Variants in SSX2IP observed in about 807,000 individuals in gnomAD.
SSX2IP encodes the protein afadin- and alpha-actinin-binding protein.
A neutral mutation model predicts 84.9 loss-of-function variants in SSX2IP; 55 were observed. The ratio of observed to expected loss-of-function variants is 0.65; its 90% CI spans 0.52 to 0.81. The LOEUF is 0.81. Among genes scored for constraint, SSX2IP ranks in the 30% least tolerant of loss-of-function variants. The pLI is 0.00. For missense variants in SSX2IP, 664 were observed against 705.2 expected (o/e 0.94, Z 0.66); for synonymous variants, 239 against 234.7 (o/e 1.02, Z -0.17).
chr1:84,662,192 A>G lies in SSX2IP; in HGVS notation c.927+6T>C. ...AGACTGTATTAGAGAGGAAAGAGCC[A>G]CTTACAGTTCCTGTACTATCATCTA... On this transcript the variant is annotated splice_donor_region_variant and intron_variant, in intron 8 of 13. Coordinates refer to ENST00000342203, the MANE Select transcript of SSX2IP (RefSeq NM_001166293.2). The G allele has an allele frequency of 6.4e-7, 1 of 1,555,796 alleles. No homozygotes were observed. The highest frequency in any genetic ancestry group is 8.7e-7 in the Non-Finnish European group (1 of 1,153,612).
rs1465601807 is a variant in SSX2IP at position 84,655,892 on chromosome 1, T to C, written c.1329A>G (p.Lys443=). 5.6e-6 allele frequency: 9 copies of C among 1,614,042 alleles called. No homozygotes were observed. In the East Asian group the frequency reaches 1.8e-4, roughly 32 times the overall value. The change falls in exon 11 of 14, where the codon AAA becomes AAG. Residue 443 remains lysine, a synonymous_variant. Transcript: ENST00000342203. ...KEEWSLFKEQ[K]KNFERERRSF... ...TTCGTCTCTCCCTCTCAAAATTCTT[T>C]TTCTGCTCTTTAAAAAGGGACCATT...
At chr1:84,679,511 T>C (rs911936049) in intron 1 of SSX2IP, among the ~76,000 whole-genome samples, 2 of 152,282 alleles carry the variant, frequency 1.3e-5, no homozygotes, top group South Asian at 2.1e-4. Flanking sequence ...TTGTGGCCAA[T>C]AGAGGATTTA....
intron 8 of SSX2IP, 102 bp downstream of exon 8, chr1:84,662,096 T>A: frequency 2.7e-6 from 2 of 747,678 alleles, no homozygotes; most frequent in Non-Finnish European, 2.2e-6. Context: ...GAGTGTCCTA[T>A]TCAAAATACC....
chr1:84,687,276 GAAC>G (rs942662125), intron 1 of SSX2IP, among the ~76,000 whole-genome samples: 8 of 152,338 alleles, frequency 5.3e-5, no homozygotes, highest in Admixed American at 2.0e-4. Flanking sequence ...TAAAAGATGA[GAAC>G]AACTGGAGTT....
intron 1 of SSX2IP, among the ~76,000 whole-genome samples, chr1:84,688,544 A>G (rs1000103116): frequency 6.6e-6 from 1 of 152,228 alleles, no homozygotes; most frequent in African/African-American, 2.4e-5. Flanking sequence ...TCAAACGCCT[A>G]CTTTATAAAA....
Position 84,671,227 on chromosome 1 carries a change from T to C in SSX2IP, c.-8A>G. The stretch of plus-strand genomic sequence containing the variant: ...AGTCATCCAATCTCCCATAGCAATC[T>C]CTAGAGCCAGGATACCTGAGGAACT... On this transcript the variant is annotated 5_prime_UTR_variant, in exon 2 of 14. Transcript: ENST00000342203. 1 of 1,609,834 alleles carries C rather than the reference T, an allele frequency of 6.2e-7. No homozygotes were observed. The highest frequency in any genetic ancestry group is 8.5e-7 in the Non-Finnish European group (1 of 1,177,860).
intron 11 of SSX2IP, chr1:84,655,616 G>GTT: frequency 5.5e-6 from 8 of 1,458,796 alleles, no homozygotes; most frequent in Admixed American, 2.1e-5. Context: ...TGCTTATAGC[G>GTT]TTTTTTTTTC....
At chr1:84,652,373 A>G (rs1363710408) in intron 11 of SSX2IP, 1 of 155,874 alleles carries the variant, frequency 6.4e-6, no homozygotes, top group African/African-American at 2.6e-5. Flanking sequence ...AAGTGAGCCG[A>G]GATAGCACCA....
At chr1:84,660,185 C>G (rs182117009) in intron 8 of SSX2IP, among the ~76,000 whole-genome samples, 1 of 152,206 alleles carries the variant, frequency 6.6e-6, no homozygotes, top group Admixed American at 6.5e-5. Flanking sequence ...GAAAAGGGAG[C>G]TAGAAAAATG....
chr1:84,673,249 A>G (rs1016567557), intron 1 of SSX2IP, among the ~76,000 whole-genome samples: 1 of 152,210 alleles, frequency 6.6e-6, no homozygotes. Flanking sequence ...GGGAGCATCT[A>G]GATCAGTGAG....
intron 8 of SSX2IP, among the ~76,000 whole-genome samples, chr1:84,661,827 A>C (rs1286554013): frequency 6.6e-6 from 1 of 152,294 alleles, no homozygotes; most frequent in African/African-American, 2.4e-5. Flanking sequence ...TGGGCTACTA[A>C]ATATTATGCC....
intron 4 of SSX2IP, among the ~76,000 whole-genome samples, chr1:84,666,566 C>A (rs1182026729): frequency 6.6e-6 from 1 of 151,996 alleles, no homozygotes; most frequent in African/African-American, 2.4e-5. Context: ...ACTTCTATAC[C>A]ACACTTTTGA....
intron 1 of SSX2IP, among the ~76,000 whole-genome samples, chr1:84,685,678 C>T (rs1655683565): frequency 6.6e-6 from 1 of 152,220 alleles, no homozygotes; most frequent in African/African-American, 2.4e-5. Context: ...TGACATTCAA[C>T]AAATATGCTG....
intron 12 of SSX2IP, among the ~76,000 whole-genome samples, chr1:84,651,482 C>A (rs956446501): frequency 6.6e-6 from 1 of 152,236 alleles, no homozygotes; most frequent in South Asian, 2.1e-4. Context: ...AATCCCAGCA[C>A]TTTGGGAGGC....
chr1:84,673,592 T>C (rs903571021), intron 1 of SSX2IP, among the ~76,000 whole-genome samples: 4 of 152,154 alleles, frequency 2.6e-5, no homozygotes, highest in Middle Eastern at 6.3e-3. Context: ...AGGTAGGCAA[T>C]TGTAGAAGCT....
chr1:84,660,895 CAA>C (rs11362631), intron 8 of SSX2IP, among the ~76,000 whole-genome samples: 64 of 98,030 alleles, frequency 6.5e-4, no homozygotes, highest in African/African-American at 1.7e-3. Flanking sequence ...TACTAAAATA[CAA>C]AAAAAAAAAA....
intron 13 of SSX2IP, 134 bp downstream of exon 13, chr1:84,650,228 T>C (rs1650021774): frequency 2.4e-6 from 2 of 836,534 alleles, no homozygotes; most frequent in Non-Finnish European, 2.0e-6. Flanking sequence ...ATTTGTAGAA[T>C]GAATAAATCA....
intron 1 of SSX2IP, among the ~76,000 whole-genome samples, chr1:84,674,278 T>C (rs1653986861): frequency 6.6e-6 from 1 of 152,012 alleles, no homozygotes; most frequent in African/African-American, 2.4e-5. Flanking sequence ...ACACATAAGC[T>C]AATATTAATC....
At chr1:84,661,633 CTAGAA>C (rs1469893859) in intron 8 of SSX2IP, among the ~76,000 whole-genome samples, 3 of 152,118 alleles carry the variant, frequency 2.0e-5, no homozygotes, top group Non-Finnish European at 4.4e-5. Flanking sequence ...TTTCCAGAGA[CTAGAA>C]CATAAAGAAC....
Sources: gnomAD v4.1 joint callset for allele counts (sites outside exome capture counted in the v4.1 genomes callset) on GRCh38, gnomAD v4.1.1 for gene constraint, MANE v1.5 for transcripts, NCBI Gene and HGNC (gene_info 2026-07-23, HGNC 2026-07-21) for gene names.